The following ATRNL1 variants were observed in gnomAD, a reference collection of about 807,000 sequenced individuals.
ATRNL1 encodes the protein attractin-like protein 1.
Under a neutral mutation model 182.7 loss-of-function variants are expected in ATRNL1, and 95 were observed. That is an observed-to-expected ratio of 0.52 (90% confidence interval 0.44 to 0.62). The LOEUF (loss-of-function observed/expected upper bound fraction) is 0.62. Among genes scored for constraint, ATRNL1 ranks in the 20% least tolerant of loss-of-function variants. The probability of loss-of-function intolerance (pLI) is 0.00; values close to 1 mark genes in which losing one functional copy is unlikely to be tolerated. For missense variants in ATRNL1, 1,471 were observed against 1,679.5 expected, an observed-to-expected ratio of 0.88 and a Z score of 2.17; for synonymous variants, 576 against 568.3, an observed-to-expected ratio of 1.01 and a Z score of -0.19.
chr10:115,943,125 T>C (rs1417958069), intron 28 of ATRNL1, among the ~76,000 whole-genome samples: 2 of 152,228 alleles, frequency 1.3e-5, no homozygotes, highest in Non-Finnish European at 2.9e-5. Flanking sequence ...AAGACGCTTG[T>C]CAGCTAAATG....
chr10:115,507,037 C>T (rs1419316846), intron 24 of ATRNL1, among the ~76,000 whole-genome samples: 2 of 152,022 alleles, frequency 1.3e-5, no homozygotes, highest in East Asian at 3.9e-4. Flanking sequence ...CATTAATTAA[C>T]ATACATAAGA....
chr10:115,137,501 C>T (rs1845566686), intron 5 of ATRNL1, among the ~76,000 whole-genome samples: 1 of 152,182 alleles, frequency 6.6e-6, no homozygotes, highest in Non-Finnish European at 1.5e-5. Context: ...ATTTAATGGA[C>T]TTACAATTCC....
intron 1 of ATRNL1, among the ~76,000 whole-genome samples, chr10:115,099,593 C>T (rs1173377213): frequency 2.0e-5 from 3 of 152,090 alleles, no homozygotes; most frequent in Non-Finnish European, 4.4e-5. Context: ...ACATCCATAC[C>T]AATACTTGGT....
intron 28 of ATRNL1, among the ~76,000 whole-genome samples, chr10:115,897,818 T>G (rs1555112879): frequency 6.6e-6 from 1 of 152,208 alleles, no homozygotes; most frequent in Non-Finnish European, 1.5e-5. Flanking sequence ...TGTCATAAAT[T>G]TGTTTCTTCT....
At chr10:115,396,777 C>A (rs1451774554) in intron 20 of ATRNL1, among the ~76,000 whole-genome samples, 9 of 151,738 alleles carry the variant, frequency 5.9e-5, no homozygotes, top group Admixed American at 4.6e-4. Flanking sequence ...TACAGTATTG[C>A]AGTAACATAT....
At chr10:115,591,643 C>G (rs757201857) in intron 26 of ATRNL1, among the ~76,000 whole-genome samples, 5 of 152,178 alleles carry the variant, frequency 3.3e-5, no homozygotes, top group Non-Finnish European at 7.3e-5. Flanking sequence ...AGCATTGTCT[C>G]CTGACATTGT....
intron 28 of ATRNL1, among the ~76,000 whole-genome samples, chr10:115,892,829 C>G (rs1952112777): frequency 6.6e-6 from 1 of 152,126 alleles, no homozygotes; most frequent in Non-Finnish European, 1.5e-5. Flanking sequence ...GATTGTAACT[C>G]TAATTATATT....
intron 19 of ATRNL1, among the ~76,000 whole-genome samples, chr10:115,390,595 A>G (rs1554954129): frequency 6.6e-6 from 1 of 152,106 alleles, no homozygotes; most frequent in Non-Finnish European, 1.5e-5. Context: ...GGTTTGTAGT[A>G]TATTTTGAGA....
chr10:115,215,649 T>A (rs1344598818), intron 8 of ATRNL1, 48 bp from the exon 9 acceptor site: 4 of 1,412,222 alleles, frequency 2.8e-6, no homozygotes, highest in Non-Finnish European at 3.8e-6. Flanking sequence ...ATTAGTTATA[T>A]TTAAAAATAC....
At position 115,540,097 on chromosome 10, in the gene ATRNL1, G is replaced by A. The variant is rs535912199; in HGVS notation, c.3717-9361G>A. On this transcript the variant is annotated intron_variant, in intron 25 of 28. Coordinates refer to ENST00000355044, the MANE Select transcript of ATRNL1 (RefSeq NM_207303.4). ...TACATATGTAACAAACCTGCACATT[G>A]TGCACATTTACCCTAGAACTTAAAG... is the stretch of plus-strand genomic sequence containing the variant. Among the ~76,000 whole-genome samples, 7 of 150,598 alleles carry A rather than the reference G, an allele frequency of 4.6e-5. No individual in the cohort carries two copies. In the South Asian group the frequency reaches 6.4e-4, roughly 14 times the overall value.
chr10:115,267,542 A>C (rs1446344884), intron 12 of ATRNL1, among the ~76,000 whole-genome samples: 1 of 151,946 alleles, frequency 6.6e-6, no homozygotes, highest in Non-Finnish European at 1.5e-5. Flanking sequence ...ATTTGGATAA[A>C]TATTGTTTAG....
At chr10:115,404,503 TG>T (rs1452692815) in intron 20 of ATRNL1, among the ~76,000 whole-genome samples, 1 of 152,218 alleles carries the variant, frequency 6.6e-6, no homozygotes, top group African/African-American at 2.4e-5. Context: ...GAAGACTGCA[TG>T]GACCAAGACC....
chr10:115,681,732 G>T (rs549010020), intron 26 of ATRNL1, among the ~76,000 whole-genome samples: 38 of 152,176 alleles, frequency 2.5e-4, no homozygotes, highest in African/African-American at 8.7e-4. Context: ...ATCACAGTCA[G>T]TCATTCATTC....
intron 28 of ATRNL1, among the ~76,000 whole-genome samples, chr10:115,871,040 T>A (rs1951566742): frequency 6.6e-6 from 1 of 152,198 alleles, no homozygotes; most frequent in African/African-American, 2.4e-5. Flanking sequence ...TTAAAGCAAT[T>A]GCTTGAGTTT....
intron 27 of ATRNL1, among the ~76,000 whole-genome samples, chr10:115,825,838 G>A (rs1950417910): frequency 6.6e-6 from 1 of 152,122 alleles, no homozygotes; most frequent in Non-Finnish European, 1.5e-5. Context: ...GTGCAAGCTT[G>A]TATAGCCTAT....
intron 28 of ATRNL1, among the ~76,000 whole-genome samples, chr10:115,933,816 C>T (rs1555122228): frequency 6.6e-6 from 1 of 152,158 alleles, no homozygotes; most frequent in Non-Finnish European, 1.5e-5. Context: ...CCTGGTTTCT[C>T]CTACCTCTCT....
chr10:115,432,568 A>G (rs1224334107), intron 21 of ATRNL1, among the ~76,000 whole-genome samples: 2 of 152,174 alleles, frequency 1.3e-5, no homozygotes, highest in Non-Finnish European at 2.9e-5. Context: ...ACTTAAAGCA[A>G]TTGAGTGCAA....
chr10:115,545,652 A>C (rs904135669), intron 25 of ATRNL1, among the ~76,000 whole-genome samples: 1 of 152,212 alleles, frequency 6.6e-6, no homozygotes, highest in Non-Finnish European at 1.5e-5. Flanking sequence ...TCTCAAACTG[A>C]ATCTTTATTA....
At chr10:115,568,646 A>G (rs1452610551) in intron 26 of ATRNL1, among the ~76,000 whole-genome samples, 10 of 152,050 alleles carry the variant, frequency 6.6e-5, no homozygotes, top group Admixed American at 6.6e-4. Context: ...TAAAAAACAA[A>G]TGTAGGTTCT....
Sources: allele counts gnomAD v4.1 joint callset (sites outside exome capture counted in the v4.1 genomes callset), GRCh38; gene constraint gnomAD v4.1.1; transcripts MANE v1.5; gene names NCBI Gene and HGNC (gene_info 2026-07-23, HGNC 2026-07-21).